Variants in ZMYND12 observed in about 807,000 individuals in gnomAD.
ZMYND12 encodes the protein zinc finger MYND domain-containing protein 12.
A neutral mutation model predicts 41.7 loss-of-function variants in ZMYND12; 32 were observed. That is an observed-to-expected ratio of 0.77 (90% confidence interval 0.58 to 1.03). ZMYND12 has a LOEUF of 1.03. Among genes scored for constraint, ZMYND12 ranks in the 50% least tolerant of loss-of-function variants. ZMYND12 has a pLI of 0.00. For missense variants in ZMYND12, 424 were observed against 438.5 expected (o/e 0.97, Z 0.30); for synonymous variants, 148 against 164.8 (o/e 0.90, Z 0.78).
Position 42,448,458 on chromosome 1 carries a change from T to C in ZMYND12, c.424+9A>G. 1 of 1,575,740 alleles carries C rather than the reference T, an allele frequency of 6.3e-7. No homozygotes were observed. The highest frequency in any genetic ancestry group is 1.2e-5 in the South Asian group (1 of 86,496). ...AGGGATCCAAGGATCTCAAGTCGGT[T>C]TCACTCACCAAGGCTGGCCTCGGCC... On this transcript the variant is annotated intron_variant, in intron 3 of 7. Transcript: ENST00000372565.
intron 7 of ZMYND12, among the ~76,000 whole-genome samples, chr1:42,432,473 C>T (rs1570344521): frequency 6.6e-6 from 1 of 152,178 alleles, no homozygotes; most frequent in Non-Finnish European, 1.5e-5. Flanking sequence ...GTATGGATCA[C>T]CACTGTATCC....
intron 3 of ZMYND12, among the ~76,000 whole-genome samples, chr1:42,445,161 G>A (rs928043199): frequency 2.6e-5 from 4 of 151,162 alleles, no homozygotes; most frequent in Admixed American, 6.6e-5. Flanking sequence ...AGCTGGGTGC[G>A]GTGGCTCACA....
At chr1:42,443,627 G>A (rs979884876) in intron 3 of ZMYND12, among the ~76,000 whole-genome samples, 1 of 152,164 alleles carries the variant, frequency 6.6e-6, no homozygotes, top group African/African-American at 2.4e-5. Context: ...TGTATTTATT[G>A]AAGACCTGTT....
chr1:42,435,127 T>C, intron 6 of ZMYND12, 147 bp downstream of exon 6: 1 of 643,236 alleles, frequency 1.6e-6, no homozygotes, highest in Non-Finnish European at 2.8e-6. Context: ...TTGATCCCCG[T>C]GTCTCAGTTT....
At chr1:42,434,645 A>C (rs1175335461) in intron 6 of ZMYND12, among the ~76,000 whole-genome samples, 1 of 151,710 alleles carries the variant, frequency 6.6e-6, no homozygotes, top group Non-Finnish European at 1.5e-5. Flanking sequence ...TGAACTGTGC[A>C]TGCAAAGGAT....
intron 1 of ZMYND12, among the ~76,000 whole-genome samples, chr1:42,452,558 C>T (rs1205581156): frequency 1.3e-5 from 2 of 152,082 alleles, no homozygotes; most frequent in Non-Finnish European, 2.9e-5. Context: ...AAAAAATTAG[C>T]CAGGCGTGGT....
intron 1 of ZMYND12, among the ~76,000 whole-genome samples, chr1:42,453,301 G>A (rs1435250627): frequency 1.3e-5 from 2 of 152,178 alleles, no homozygotes; most frequent in African/African-American, 4.8e-5. Flanking sequence ...ATTTATACAT[G>A]CATTTATCAG....
intron 3 of ZMYND12, among the ~76,000 whole-genome samples, chr1:42,443,640 T>G (rs1280503394): frequency 1.3e-5 from 2 of 152,192 alleles, no homozygotes; most frequent in South Asian, 2.1e-4. Context: ...GACCTGTTAT[T>G]TGCCCAACAT....
At position 42,439,847 on chromosome 1, in the gene ZMYND12, C is replaced by A. The variant is rs979606201; in HGVS notation, c.594+9G>T. The A allele has an allele frequency of 6.3e-7, 1 of 1,599,882 alleles. No homozygotes were observed. Among genetic ancestry groups the A allele is most frequent in the South Asian group, 1.1e-5 (1 of 88,222 alleles). On this transcript the variant is annotated intron_variant, in intron 4 of 7. Transcript: ENST00000372565. ...GAAATATACAGGTGTTATAACTTAG[C>A]TTGTTTACATCATTGGCCAGATGAT... is the stretch of plus-strand genomic sequence containing the variant.
In ZMYND12 at chr1:42,433,254, C is replaced by G. The variant is rs749551068; in HGVS notation, c.864G>C (p.Leu288=). The G allele has an allele frequency of 3.1e-6, 5 of 1,609,920 alleles. No individual in the cohort carries two copies. The highest frequency in any genetic ancestry group is 4.2e-6 in the Non-Finnish European group (5 of 1,178,886). The stretch of plus-strand genomic sequence containing the variant: ...ATTCTCGAATGTTCAAGATTGAAGT[C>G]AGGATGCGAATGGCTTCTGCTTCTT... ...EAQEAEAIRI[L]TSILNIREST... The change falls in exon 7 of 8, where the codon CTG becomes CTC. Residue 288 remains leucine, a synonymous_variant. Coordinates refer to ENST00000372565, the MANE Select transcript of ZMYND12 (RefSeq NM_032257.5).
At chr1:42,438,003 G>T (rs1642926580) in intron 4 of ZMYND12, among the ~76,000 whole-genome samples, 1 of 151,676 alleles carries the variant, frequency 6.6e-6, no homozygotes, top group Admixed American at 6.6e-5. Flanking sequence ...TAGAGACGGG[G>T]TTTCACCATA....
chr1:42,441,732 T>C (rs1304850757), intron 3 of ZMYND12, among the ~76,000 whole-genome samples: 1 of 151,556 alleles, frequency 6.6e-6, no homozygotes, highest in East Asian at 1.9e-4. Context: ...GCCATTCTCC[T>C]GCCTCAGCCT....
intron 1 of ZMYND12, among the ~76,000 whole-genome samples, chr1:42,450,484 T>A (rs1217385995): frequency 2.6e-5 from 4 of 152,220 alleles, no homozygotes; most frequent in Non-Finnish European, 5.9e-5. Context: ...AGGAGCCAAC[T>A]TTTGGTCTCA....
At chr1:42,448,746 A>T in intron 2 of ZMYND12, 108 bp from the exon 3 acceptor site, 2 of 1,118,218 alleles carry the variant, frequency 1.8e-6, no homozygotes, top group Non-Finnish European at 2.5e-6. Context: ...AGTTAAAGGC[A>T]CATAGTGAGC....
intron 2 of ZMYND12, among the ~76,000 whole-genome samples, chr1:42,448,960 C>A (rs763564994): frequency 5.9e-5 from 9 of 152,214 alleles, no homozygotes; most frequent in Non-Finnish European, 1.2e-4. Flanking sequence ...TTTAGCAAAG[C>A]TAGCATGTCT....
intron 2 of ZMYND12, among the ~76,000 whole-genome samples, chr1:42,449,558 G>A (rs929021687): frequency 1.3e-5 from 2 of 152,178 alleles, no homozygotes; most frequent in Non-Finnish European, 2.9e-5. Context: ...ACCATGTGAA[G>A]ACACTGTAGG....
intron 1 of ZMYND12, among the ~76,000 whole-genome samples, chr1:42,453,824 C>T (rs1336126547): frequency 1.3e-5 from 2 of 152,220 alleles, no homozygotes; most frequent in Non-Finnish European, 2.9e-5. Flanking sequence ...TCCCCGTGTT[C>T]CTTGCCCAAG....
chr1:42,451,963 G>A (rs747612386), intron 1 of ZMYND12, among the ~76,000 whole-genome samples: 11 of 152,146 alleles, frequency 7.2e-5, no homozygotes, highest in Non-Finnish European at 4.4e-5. Context: ...CCTAACACAG[G>A]GTCAGGGATA....
At chr1:42,441,348 A>G (rs1168751928) in intron 3 of ZMYND12, among the ~76,000 whole-genome samples, 1 of 152,334 alleles carries the variant, frequency 6.6e-6, no homozygotes, top group East Asian at 1.9e-4. Context: ...ATAGAACTAT[A>G]TAGAGTCACA....
Sources: allele counts gnomAD v4.1 joint callset (sites outside exome capture counted in the v4.1 genomes callset), GRCh38; gene constraint gnomAD v4.1.1; transcripts MANE v1.5; gene names NCBI Gene and HGNC (gene_info 2026-07-23, HGNC 2026-07-21).